CACNA1G: variants seen among roughly 807,000 people sequenced by gnomAD.
The protein encoded by CACNA1G is calcium voltage-gated channel subunit alpha1 G, also known as voltage-dependent T-type calcium channel subunit alpha-1G.
A neutral mutation model predicts 219.4 loss-of-function variants in CACNA1G; 67 were observed. That is an observed-to-expected ratio of 0.31 (90% CI 0.25 to 0.37). CACNA1G has a LOEUF of 0.37. Among genes scored for constraint, CACNA1G ranks in the 10% least tolerant of loss-of-function variants. The pLI is 1.00. For synonymous variants in CACNA1G, 1,296 were observed against 1,345.3 expected (o/e 0.96, Z 0.80); for missense variants, 2,380 against 3,231.4 (o/e 0.74, Z 6.39).
In CACNA1G at chr17:50,569,147, C is replaced by T. The variant is rs1457978619; in HGVS notation, c.355-18C>T. 1 of 1,611,938 alleles carries T rather than the reference C, an allele frequency of 6.2e-7. No homozygotes were observed. Among genetic ancestry groups the T allele is most frequent in the Non-Finnish European group, 8.5e-7 (1 of 1,178,548 alleles). ...TCACCCACGTCTCAGTTTCAGCCACCTCTTGTCCCCACATCAGGCCTTTGA... is the reference window on the plus strand; with the variant it reads ...TCACCCACGTCTCAGTTTCAGCCACTTCTTGTCCCCACATCAGGCCTTTGA... On this transcript the variant is annotated intron_variant, in intron 2 of 37. Coordinates refer to ENST00000359106, the MANE Select transcript of CACNA1G (RefSeq NM_018896.5).
intron 9 of CACNA1G, among the ~76,000 whole-genome samples, chr17:50,584,931 ACATGTTCGTGC>A (rs1325603036): frequency 2.0e-5 from 3 of 152,148 alleles, no homozygotes; most frequent in Admixed American, 6.5e-5. Context: ...TCCAGTCAGC[ACATGTTCGTGC>A]CTCTCTCTAG....
intron 5 of CACNA1G, 24 bp from the exon 6 acceptor site, chr17:50,572,530 C>A (rs1210505385): frequency 6.6e-7 from 1 of 1,510,968 alleles, no homozygotes. Flanking sequence ...CAGTCTCACC[C>A]CTGTTCCCCT....
chr17:50,626,934 C>A lies in CACNA1G; in HGVS notation c.*183C>A. The stretch of plus-strand genomic sequence containing the variant: ...CCAAAGAGAGTTAAAAGCAGCAGCC[C>A]CGGCAACTCTGGCTCCAGGCAGAAG... On this transcript the variant is annotated 3_prime_UTR_variant, in exon 38 of 38. Transcript: ENST00000359106. The surrounding 1 kb of genome is among the most constrained non-coding windows in gnomAD (Gnocchi z 4.3). The A allele has an allele frequency of 1.3e-6, 1 of 797,894 alleles. No individual in the cohort carries two copies. The highest frequency in any genetic ancestry group is 2.6e-5 in the East Asian group (1 of 38,342). The allele number at this position is 797,894 out of a possible 1,614,324, so 49.4% of individuals were successfully genotyped here. A position where few individuals can be genotyped will look rare whatever the true frequency, so the allele number is the denominator to read the frequency against.
intron 9 of CACNA1G, among the ~76,000 whole-genome samples, chr17:50,583,198 C>A: frequency 6.6e-6 from 1 of 152,146 alleles, no homozygotes; most frequent in South Asian, 2.1e-4. Flanking sequence ...GATAGAGGAG[C>A]CCTGGCTGAA....
At position 50,596,782 on chromosome 17, in the gene CACNA1G, C is replaced by T. The variant is rs1230641468; in HGVS notation, c.3117C>T (p.Leu1039=). The change falls in exon 16 of 38, where the codon CTC becomes CTT. Residue 1039 remains leucine (L), a synonymous_variant. Coordinates refer to ENST00000359106, the MANE Select transcript of CACNA1G (RefSeq NM_018896.5). This position sits in a 1 kb window ranked among gnomAD's most constrained non-coding sequence, Gnocchi z 4.8. ...PELRKSLLPP[L]IIHTAATPMS... is the part of the protein sequence containing the mutation. ...TGCGGAAGAGCCTGCTGCCGCCTCT[C>T]ATCATCCACACGGCCGCCACACCCA... is the stretch of plus-strand genomic sequence containing the variant. The T allele has an allele frequency of 4.3e-6, 7 of 1,612,134 alleles. No homozygotes were observed. The highest frequency in any genetic ancestry group is 4.5e-5 in the East Asian group (2 of 44,848).
chr17:50,578,828 C>A lies in CACNA1G; in HGVS notation c.2301+264C>A, dbSNP rs927738173. ...AGGAAGGCTGCTCAGAGGAGGCTGG[C>A]TTTGAAGGATGTGAACAAGTGGTGA... On this transcript the variant is annotated intron_variant, in intron 9 of 37. Transcript: ENST00000359106. This position sits in a 1 kb window ranked among gnomAD's most constrained non-coding sequence, Gnocchi z 4.5. Among the ~76,000 whole-genome samples the A allele has an allele frequency of 2.0e-5, 3 of 152,132 alleles. No individual in the cohort carries two copies. The highest frequency in any genetic ancestry group is 7.2e-5 in the African/African-American group (3 of 41,420).
At chr17:50,579,031 G>A (rs539879217) in intron 9 of CACNA1G, among the ~76,000 whole-genome samples, 1 of 152,208 alleles carries the variant, frequency 6.6e-6, no homozygotes, top group African/African-American at 2.4e-5. Context: ...GAGGGTTGGT[G>A]CCTGCGCCTG....
At position 50,617,951 on chromosome 17, in the gene CACNA1G, T is replaced by C. The variant is rs377008417; in HGVS notation, c.5226+22T>C. 223 of 1,613,132 alleles carry C rather than the reference T, an allele frequency of 1.4e-4. No homozygotes were observed. The highest frequency in any genetic ancestry group is 1.8e-4 in the Non-Finnish European group (207 of 1,179,480). ...CCAGGTAGCCGGGAGGTGGGGGGCC[T>C]CTGGGGAGGGGGAGGTGCTTTCCAG... is the stretch of plus-strand genomic sequence containing the variant. On this transcript the variant is annotated intron_variant, in intron 30 of 37. Coordinates refer to ENST00000359106, the MANE Select transcript of CACNA1G (RefSeq NM_018896.5). The surrounding 1 kb of genome is among the most constrained non-coding windows in gnomAD (Gnocchi z 5.8).
chr17:50,600,816 C>T lies in CACNA1G; in HGVS notation c.3781C>T (p.Pro1261Ser). The T allele has an allele frequency of 6.2e-7, 1 of 1,613,710 alleles. No individual in the cohort carries two copies. The highest frequency in any genetic ancestry group is 8.5e-7 in the Non-Finnish European group (1 of 1,179,708). ...CTCCTGGTCAGCCTACATCTTCCCT[C>T]CTCAGTCCAGGTAAGTGACAGGGCA... is the stretch of plus-strand genomic sequence containing the variant. Reference protein sequence around the residue: ...RDSWSAYIFPPQSRFRLLCHR... With the variant: ...RDSWSAYIFPSQSRFRLLCHR... Residue 1261 changes from proline to serine, a missense_variant, in exon 18 of 38, where the codon CCT (proline) becomes TCT (serine). By Grantham distance (74) the Pro-to-Ser change is moderately conservative. Coordinates refer to ENST00000359106, the MANE Select transcript of CACNA1G (RefSeq NM_018896.5). The surrounding 1 kb of genome is among the most constrained non-coding windows in gnomAD (Gnocchi z 4.1).
intron 17 of CACNA1G, 132 bp downstream of exon 17, chr17:50,599,991 C>T (rs111380267): frequency 1.1e-6 from 1 of 891,530 alleles, no homozygotes; most frequent in Admixed American, 2.8e-5. Flanking sequence ...AGAAACCGAG[C>T]TCCAAACAAT....
At position 50,606,308 on chromosome 17, in the gene CACNA1G, G is replaced by T. The variant is rs1010177725; in HGVS notation, c.4422+285G>T. 15 of 676,788 alleles carry T rather than the reference G, an allele frequency of 2.2e-5. No homozygotes were observed. The African/African-American group carries it at 2.5e-4, about 11-fold the overall frequency. 41.9% of individuals were successfully genotyped at this position (676,788 alleles called of 1,614,324 possible). The stretch of plus-strand genomic sequence containing the variant: ...GGCCACAGAGCTACATGGTGGAGCA[G>T]GAAGCACACGTGGCAGTGGGGGCAG... On this transcript the variant is annotated intron_variant, in intron 23 of 37. Coordinates refer to ENST00000359106, the MANE Select transcript of CACNA1G (RefSeq NM_018896.5).
chr17:50,606,163 A>G, intron 23 of CACNA1G, 140 bp downstream of exon 23: 2 of 1,225,168 alleles, frequency 1.6e-6, no homozygotes, highest in Non-Finnish European at 2.4e-6. Context: ...CTGTCTAACC[A>G]CCAGCATGTC....
intron 9 of CACNA1G, among the ~76,000 whole-genome samples, chr17:50,585,505 G>A (rs1336017020): frequency 2.0e-5 from 3 of 152,292 alleles, no homozygotes; most frequent in African/African-American, 4.8e-5. Flanking sequence ...GGGAATAAGC[G>A]TAGAATGAAC....
chr17:50,595,212 G>A (rs1008057977), intron 14 of CACNA1G, among the ~76,000 whole-genome samples, 151 bp downstream of exon 14: 1 of 152,096 alleles, frequency 6.6e-6, no homozygotes, highest in South Asian at 2.1e-4. Context: ...GGTTTGCTTC[G>A]ATTTTAAGTC....
At chr17:50,624,324 T>TCCCCCCCCCCCCCCCCCCCTTCCCCCCCC in intron 36 of CACNA1G, 36 bp from the exon 37 acceptor site, 1 of 1,177,658 alleles carries the variant, frequency 8.5e-7, no homozygotes, top group Non-Finnish European at 1.2e-6. Context: ...CTCCATTCTC[T>TCCCCCCCCCCCCCCCCCCCTTCCCCCCCC]CCCCCCACCC....
Position 50,577,072 on chromosome 17 carries a change from C to T in CACNA1G, c.1924+746C>T, listed in dbSNP as rs60219484. On this transcript the variant is annotated intron_variant, in intron 8 of 37. Transcript: ENST00000359106. ...CAGCGGGATATTCGTGGGGATGTTA[C>T]GTGGGAATGTGGGCTGGGACCAGAA... is the stretch of plus-strand genomic sequence containing the variant. Among the ~76,000 whole-genome samples, 1,214 of 152,304 alleles carry T rather than the reference C, an allele frequency of 8.0e-3. 20 individuals carry two copies. The highest frequency in any genetic ancestry group is 0.027 in the African/African-American group (1,119 of 41,542).
chr17:50,569,012 GTGT>G (rs377732195), intron 2 of CACNA1G, 31 bp downstream of exon 2: 107 of 1,445,596 alleles, frequency 7.4e-5, no homozygotes, highest in African/African-American at 8.7e-5. Flanking sequence ...GTGTGTGTGT[GTGT>G]TGTGTGTGTT....
In CACNA1G at chr17:50,578,248, G is replaced by A; in HGVS notation, c.1985G>A (p.Cys662Tyr). The A allele has an allele frequency of 6.2e-7, 1 of 1,610,360 alleles. No individual in the cohort carries two copies. Among genetic ancestry groups the A allele is most frequent in the Non-Finnish European group, 8.5e-7 (1 of 1,178,334 alleles). ...TGCTTGAAAGCAGACAGTGGAGCCT[G>A]TGGTCCAGACAGCTGCCCCTACTGT... ...SPCLKADSGA[C>Y]GPDSCPYCAR... Residue 662 changes from cysteine (C) to tyrosine (Y), a missense_variant, in exon 9 of 38, where the codon TGT (cysteine) becomes TAT (tyrosine). Coordinates refer to ENST00000359106, the MANE Select transcript of CACNA1G (RefSeq NM_018896.5). This position sits in a 1 kb window ranked among gnomAD's most constrained non-coding sequence, Gnocchi z 4.5.
chr17:50,561,572 A>G lies in CACNA1G; in HGVS notation c.113A>G (p.Glu38Gly). Reference protein sequence around the residue: ...AGGRPGPGSAEKDPGSADSEA... With the variant: ...AGGRPGPGSAGKDPGSADSEA... ...GGCCGGCCGGGGCCGGGGTCAGCAG[A>G]AAAGGACCCGGGCAGCGCGGACTCC... Residue 38 changes from glutamate (E) to glycine (G), a missense_variant, in exon 1 of 38, where the codon GAA becomes GGA. Physicochemically the swap from Glu to Gly is moderately conservative, Grantham distance 98. Transcript: ENST00000359106. 2 of 1,554,282 alleles carry G rather than the reference A, an allele frequency of 1.3e-6. No individual in the cohort carries two copies. The highest frequency in any genetic ancestry group is 1.7e-6 in the Non-Finnish European group (2 of 1,152,604).
Sources: gnomAD v4.1 joint callset for allele counts (sites outside exome capture counted in the v4.1 genomes callset) on GRCh38, gnomAD v4.1.1 for gene constraint, Gnocchi (gnomAD v3.1) non-coding constraint, MANE v1.5 for transcripts, NCBI Gene and HGNC (gene_info 2026-07-23, HGNC 2026-07-21) for gene names.